Variants in SGTA observed in about 807,000 individuals in gnomAD.
SGTA encodes the protein small glutamine-rich tetratricopeptide repeat-containing protein alpha.
Under a neutral mutation model 44.3 loss-of-function variants are expected in SGTA, and 22 were observed. That is an observed-to-expected ratio of 0.50 (90% confidence interval 0.36 to 0.71). The LOEUF is 0.71. Ranked by LOEUF, SGTA falls within the 30% of genes least tolerant of loss-of-function variation. The pLI, the probability that SGTA is intolerant of heterozygous loss-of-function variation, is 0.00. For synonymous variants in SGTA, 174 were observed against 177.6 expected, an observed-to-expected ratio of 0.98 and a Z score of 0.16; for missense variants, 341 against 435.9, an observed-to-expected ratio of 0.78 and a Z score of 1.94.
intron 4 of SGTA, 146 bp downstream of exon 4, chr19:2,766,990 C>T: frequency 1.5e-6 from 1 of 686,816 alleles, no homozygotes. Flanking sequence ...CCCTTCCGTC[C>T]CCGTCCCCAC....
Position 2,757,461 on chromosome 19 carries a change from CG to C in SGTA, c.828-5del. 1 of 1,606,666 alleles carries C rather than the reference CG, an allele frequency of 6.2e-7. No individual in the cohort carries two copies. On this transcript the variant is annotated splice_polypyrimidine_tract_variant and splice_region_variant and intron_variant, in intron 10 of 11. Transcript: ENST00000221566. ...CTGCTGGGCAAACTGCTGGCCCCTG[CG>C]GGGAAGGGCACATGGGGCTCAGCCA...
intron 1 of SGTA, among the ~76,000 whole-genome samples, chr19:2,772,897 G>A (rs563017412): frequency 1.5e-4 from 14 of 91,332 alleles, no homozygotes; most frequent in Admixed American, 5.0e-4. Context: ...AATGGGTGAC[G>A]CGGCCACAGG....
At chr19:2,769,747 C>A (rs1226195490) in intron 1 of SGTA, among the ~76,000 whole-genome samples, 1 of 150,704 alleles carries the variant, frequency 6.6e-6, no homozygotes, top group African/African-American at 2.4e-5. Flanking sequence ...TCAGACCCCC[C>A]TCTAGTTCCC....
rs200063165 is a variant in SGTA, at chr19:2,765,994, G to A, written c.293-709C>T. The stretch of plus-strand genomic sequence containing the variant: ...AGCACTTTGGGAGGCCGACGCAGGC[G>A]GATCGCAAGATCAGGAGACCAAGAC... On this transcript the variant is annotated intron_variant, in intron 4 of 11. Coordinates refer to ENST00000221566, the MANE Select transcript of SGTA (RefSeq NM_003021.4). This position sits in a 1 kb window ranked among gnomAD's most constrained non-coding sequence, Gnocchi z 5.5. Among the ~76,000 whole-genome samples, 49 of 152,240 alleles carry A rather than the reference G, an allele frequency of 3.2e-4. No homozygotes were observed. The East Asian group carries it at 6.4e-3, about 20-fold the overall frequency.
At chr19:2,782,427 C>T (rs1599512014) in intron 1 of SGTA, 1 of 152,234 alleles carries the variant, frequency 6.6e-6, no homozygotes, top group Non-Finnish European at 1.5e-5. Flanking sequence ...TATTCTCAAG[C>T]CAGCTCTCTC....
intron 7 of SGTA, among the ~76,000 whole-genome samples, chr19:2,762,133 CA>C (rs1202475122): frequency 6.6e-6 from 1 of 152,178 alleles, no homozygotes; most frequent in Non-Finnish European, 1.5e-5. Flanking sequence ...CTGCCCCACT[CA>C]CCCCCAGGCC....
chr19:2,763,574 C>A lies in SGTA; in HGVS notation c.497+79G>T, dbSNP rs936019354. 6.0e-6 allele frequency: 6 copies of A among 996,330 alleles called. No homozygotes were observed. The highest frequency in any genetic ancestry group is 1.5e-5 in the South Asian group (1 of 66,174). The allele number at this position is 996,330 out of a possible 1,614,324, so 61.7% of individuals were successfully genotyped here. On this transcript the variant is annotated intron_variant, in intron 6 of 11. Coordinates refer to ENST00000221566, the MANE Select transcript of SGTA (RefSeq NM_003021.4). The surrounding 1 kb of genome is among the most constrained non-coding windows in gnomAD (Gnocchi z 5.8). ...GAATTCGTTGTGGGTGGGAAAAAAG[C>A]CACACAAGAGAGGAAGCAGGAGCAG...
At chr19:2,772,348 C>G (rs1290661604) in intron 1 of SGTA, among the ~76,000 whole-genome samples, 2 of 152,258 alleles carry the variant, frequency 1.3e-5, no homozygotes, top group Non-Finnish European at 2.9e-5. Context: ...GATCTGCTCT[C>G]CAAGAAGTGA....
chr19:2,775,677 T>G (rs533712225), intron 1 of SGTA, among the ~76,000 whole-genome samples: 48 of 151,928 alleles, frequency 3.2e-4, no homozygotes, highest in African/African-American at 8.5e-4. Context: ...TGCCGGGGCT[T>G]GGGGAGGGGA....
chr19:2,755,611 C>T lies in SGTA; in HGVS notation c.*329G>A. The T allele has an allele frequency of 1.0e-6, 1 of 985,572 alleles. No homozygotes were observed. 61.1% of individuals were successfully genotyped at this position (985,572 alleles called of 1,614,324 possible). On this transcript the variant is annotated 3_prime_UTR_variant, in exon 12 of 12. Transcript: ENST00000221566. This position sits in a 1 kb window ranked among gnomAD's most constrained non-coding sequence, Gnocchi z 5.2. ...CCACACGGCTGAACGTGAAACCTGC[C>T]ACTTCTCTGAGAGCGGCCCGGGAGC...
At chr19:2,760,314 C>T (rs542534423) in intron 8 of SGTA, among the ~76,000 whole-genome samples, 18 of 151,866 alleles carry the variant, frequency 1.2e-4, no homozygotes, top group African/African-American at 3.9e-4. Context: ...GTCAGGAGTT[C>T]GAGACCAGCC....
chr19:2,765,101 C>G lies in SGTA; in HGVS notation c.392+85G>C. ...TCCCTCATCTACAGCGCAGAGGCCT[C>G]TCCCATCTCAGGTCCCTGCTAAGCA... On this transcript the variant is annotated intron_variant, in intron 5 of 11. Coordinates refer to ENST00000221566, the MANE Select transcript of SGTA (RefSeq NM_003021.4). The surrounding 1 kb of genome is among the most constrained non-coding windows in gnomAD (Gnocchi z 5.5). The G allele has an allele frequency of 2.2e-6, 2 of 915,746 alleles. No homozygotes were observed. Among genetic ancestry groups the G allele is most frequent in the Non-Finnish European group, 1.8e-6 (1 of 556,928 alleles). 56.7% of individuals were successfully genotyped at this position (915,746 alleles called of 1,614,324 possible).
At position 2,763,613 on chromosome 19, in the gene SGTA, C is replaced by A; in HGVS notation, c.497+40G>T. 1.4e-6 allele frequency: 2 copies of A among 1,428,038 alleles called. No homozygotes were observed. The highest frequency in any genetic ancestry group is 2.3e-5 in the East Asian group (1 of 42,660). The allele number at this position is 1,428,038 out of a possible 1,614,324, so 88.5% of individuals were successfully genotyped here. On this transcript the variant is annotated intron_variant, in intron 6 of 11. Transcript: ENST00000221566. This position sits in a 1 kb window ranked among gnomAD's most constrained non-coding sequence, Gnocchi z 5.8. ...AAGCAGGAGCAGGAGAGGAGGGGTC[C>A]CGAGAGACTGGAAAGGCGCGGCCGT...
rs543494020 is a variant in SGTA at position 2,755,720 on chromosome 19, C to T, written c.*220G>A. ...TCGCTGCTGGTCTGTGCTCAGCTTGCTGGCTCTCGTTTCAAGAAGGGTCTG... is the reference window on the plus strand; with the variant it reads ...TCGCTGCTGGTCTGTGCTCAGCTTGTTGGCTCTCGTTTCAAGAAGGGTCTG... On this transcript the variant is annotated 3_prime_UTR_variant, in exon 12 of 12. Transcript: ENST00000221566. This position sits in a 1 kb window ranked among gnomAD's most constrained non-coding sequence, Gnocchi z 5.2. 7.9e-5 allele frequency: 78 copies of T among 985,430 alleles called. No individual in the cohort carries two copies. In the African/African-American group the frequency reaches 1.3e-3, roughly 17 times the overall value. The allele number at this position is 985,430 out of a possible 1,614,324, so 61.0% of individuals were successfully genotyped here.
chr19:2,772,896 C>T (rs1464506022), intron 1 of SGTA, among the ~76,000 whole-genome samples: 2 of 91,146 alleles, frequency 2.2e-5, no homozygotes, highest in Non-Finnish European at 3.8e-5. Flanking sequence ...AAATGGGTGA[C>T]GCGGCCACAG....
chr19:2,770,616 C>A, intron 1 of SGTA: 1 of 153,094 alleles, frequency 6.5e-6, no homozygotes. Flanking sequence ...CTAGTCACGT[C>A]CACCTGGGAC....
chr19:2,780,760 A>T (rs1170730278), intron 1 of SGTA, among the ~76,000 whole-genome samples: 1 of 152,124 alleles, frequency 6.6e-6, no homozygotes, highest in Non-Finnish European at 1.5e-5. Context: ...TGGGGAGGCC[A>T]TTTCTCTCTG....
intron 1 of SGTA, chr19:2,770,162 C>G (rs1427708997): frequency 4.6e-5 from 8 of 172,892 alleles, no homozygotes; most frequent in African/African-American, 2.0e-4. Flanking sequence ...GGTCCCCCCT[C>G]GGATACCCTG....
rs1424283224 is a variant in SGTA, at chr19:2,767,833, T to C, written c.101-147A>G. 5 of 665,936 alleles carry C rather than the reference T, an allele frequency of 7.5e-6. No homozygotes were observed. In the African/African-American group the frequency reaches 9.0e-5, roughly 12 times the overall value. 41.3% of individuals were successfully genotyped at this position (665,936 alleles called of 1,614,324 possible). On this transcript the variant is annotated intron_variant, in intron 2 of 11. Transcript: ENST00000221566. This position sits in a 1 kb window ranked among gnomAD's most constrained non-coding sequence, Gnocchi z 7.3. The stretch of plus-strand genomic sequence containing the variant: ...AACGCAGGGGCCGCCGCCTGTGCTC[T>C]GGGCTGGGACAGTGGACCCTCTTCC...
Sources: gnomAD v4.1 joint callset for allele counts (sites outside exome capture counted in the v4.1 genomes callset) on GRCh38, gnomAD v4.1.1 for gene constraint, Gnocchi (gnomAD v3.1) non-coding constraint, MANE v1.5 for transcripts, NCBI Gene and HGNC (gene_info 2026-07-23, HGNC 2026-07-21) for gene names.